FSIP2: variants seen among roughly 807,000 people sequenced by gnomAD.
FSIP2 encodes the protein fibrous sheath-interacting protein 2.
FSIP2 carries 367 observed loss-of-function variants against 510.5 expected under a neutral mutation model. That is an observed-to-expected ratio of 0.72 (90% CI 0.66 to 0.78). The LOEUF is 0.78. FSIP2 is among the 30% of genes least tolerant of loss of function. The pLI is 0.00. For synonymous variants in FSIP2, 2,601 were observed against 2,732.2 expected (o/e 0.95, Z 1.50); for missense variants, 7,594 against 7,901.7 (o/e 0.96, Z 1.48).
In FSIP2 at chr2:185,800,647, G is replaced by A; in HGVS notation, c.11341G>A (p.Glu3781Lys). ...TAFPDKGSVS[E>K]ETSAEECQLL... is the part of the protein sequence containing the mutation. ...TTTTCCTGATAAAGGGTCTGTTTCAGAGGAAACATCAGCAGAAGAATGTCA... is the reference window on the plus strand; with the variant it reads ...TTTTCCTGATAAAGGGTCTGTTTCAAAGGAAACATCAGCAGAAGAATGTCA... The change falls in exon 17 of 23, where the codon GAG (glutamate) becomes AAG (lysine). Residue 3781 changes from glutamate (E) to lysine (K), a missense_variant. By Grantham distance (56) the Glu-to-Lys change is moderately conservative (BLOSUM62 1). Coordinates refer to ENST00000424728, the MANE Select transcript of FSIP2 (RefSeq NM_173651.4). The A allele has an allele frequency of 1.3e-6, 2 of 1,534,126 alleles. No individual in the cohort carries two copies. Among genetic ancestry groups the A allele is most frequent in the Non-Finnish European group, 1.7e-6 (2 of 1,145,646 alleles).
In FSIP2 at chr2:185,788,988, A is replaced by G; in HGVS notation, c.1852A>G (p.Lys618Glu). 6.5e-7 allele frequency: 1 copy of G among 1,534,420 alleles called. No homozygotes were observed. The highest frequency in any genetic ancestry group is 8.7e-7 in the Non-Finnish European group (1 of 1,145,642). The change falls in exon 16 of 23, where the codon AAA (lysine) becomes GAA (glutamate). Residue 618 changes from lysine (K) to glutamate (E), a missense_variant. Transcript: ENST00000424728. ...KTVVGKTCHIKGQSIISKHKY... is the reference protein window; with the variant it reads ...KTVVGKTCHIEGQSIISKHKY... ...AGTTGTGGGGAAAACATGTCACATA[A>G]AAGGACAATCTATAATCTCTAAACA...
intron 8 of FSIP2, 97 bp downstream of exon 8, chr2:185,753,939 C>A: frequency 1.2e-6 from 1 of 817,724 alleles, no homozygotes; most frequent in Non-Finnish European, 1.7e-6. Flanking sequence ...ACACTTGTTT[C>A]TCCCTTTGTG....
At chr2:185,767,495 A>G (rs1692513451) in intron 13 of FSIP2, among the ~76,000 whole-genome samples, 1 of 152,030 alleles carries the variant, frequency 6.6e-6, no homozygotes, top group Admixed American at 6.6e-5. Context: ...CTCTGTTCCT[A>G]TGAGCTTGAC....
At position 185,746,651 on chromosome 2, in the gene FSIP2, A is replaced by G; in HGVS notation, c.618-18A>G. The G allele has an allele frequency of 6.7e-7, 1 of 1,488,468 alleles. No homozygotes were observed. The highest frequency in any genetic ancestry group is 1.3e-5 in the South Asian group (1 of 75,620). The allele number at this position is 1,488,468 out of a possible 1,614,324, so 92.2% of individuals were successfully genotyped here. On this transcript the variant is annotated intron_variant, in intron 5 of 22. Transcript: ENST00000424728. Reference sequence around the variant, plus strand: ...AAACAGCCAATTCACCTTTAGCAATATTTGCACTCTTACTCAGATATTTGG... The same window carrying G: ...AAACAGCCAATTCACCTTTAGCAATGTTTGCACTCTTACTCAGATATTTGG...
Position 185,753,767 on chromosome 2 carries a change from A to T in FSIP2, c.916A>T (p.Met306Leu), listed in dbSNP as rs9808218. Reference protein sequence around the residue: ...EKKMAYHLQKMQDTGFNGEDI... With the variant: ...EKKMAYHLQKLQDTGFNGEDI... The stretch of plus-strand genomic sequence containing the variant: ...AAAAATGGCTTATCATTTACAAAAA[A>T]TGCAAGATACTGGCTTTAACGGAGA... Residue 306 changes from methionine (M) to leucine (L), a missense_variant, in exon 8 of 23, where the codon ATG becomes TTG. Met to Leu is a conservative substitution (Grantham distance 15). Coordinates refer to ENST00000424728, the MANE Select transcript of FSIP2 (RefSeq NM_173651.4). 1 of 1,423,250 alleles carries T rather than the reference A, an allele frequency of 7.0e-7. No homozygotes were observed. Among genetic ancestry groups the T allele is most frequent in the African/African-American group, 1.4e-5 (1 of 69,676 alleles). The allele number at this position is 1,423,250 out of a possible 1,614,324, so 88.2% of individuals were successfully genotyped here.
At chr2:185,743,547 G>C (rs1396771534) in intron 3 of FSIP2, among the ~76,000 whole-genome samples, 1 of 152,100 alleles carries the variant, frequency 6.6e-6, no homozygotes, top group Non-Finnish European at 1.5e-5. Context: ...AATAATTTGA[G>C]AATACAAAGA....
In FSIP2 at chr2:185,794,804, A is replaced by G. The variant is rs1693229063; in HGVS notation, c.7668A>G (p.Thr2556=). ...VLGKMYLVVV[T]SLYENNKSRT... is the part of the protein sequence containing the mutation. ...GGAAAATGTACTTGGTAGTTGTGAC[A>G]TCATTATATGAAAATAATAAAAGTA... The change falls in exon 16 of 23, where the codon ACA becomes ACG. Residue 2556 remains threonine, a synonymous_variant. Transcript: ENST00000424728. 3 of 1,532,722 alleles carry G rather than the reference A, an allele frequency of 2.0e-6. No homozygotes were observed. The highest frequency in any genetic ancestry group is 2.7e-5 in the African/African-American group (2 of 72,868). 94.9% of individuals were successfully genotyped at this position (1,532,722 alleles called of 1,614,324 possible).
At position 185,799,680 on chromosome 2, in the gene FSIP2, A is replaced by G. The variant is rs752158585; in HGVS notation, c.10391-17A>G. On this transcript the variant is annotated splice_polypyrimidine_tract_variant and intron_variant, in intron 16 of 22. Coordinates refer to ENST00000424728, the MANE Select transcript of FSIP2 (RefSeq NM_173651.4). Reference sequence around the variant, plus strand: ...TTCTTTAATCCATGCTAAAATTACAATGTTTCCTTTTTTAAGTTTTTAGTG... The same window carrying G: ...TTCTTTAATCCATGCTAAAATTACAGTGTTTCCTTTTTTAAGTTTTTAGTG... 15 of 1,165,784 alleles carry G rather than the reference A, an allele frequency of 1.3e-5. No individual in the cohort carries two copies. The highest frequency in any genetic ancestry group is 1.4e-5 in the Non-Finnish European group (12 of 874,626). 72.2% of individuals were successfully genotyped at this position (1,165,784 alleles called of 1,614,324 possible).
At chr2:185,777,275 T>TAA (rs1692745870) in intron 13 of FSIP2, among the ~76,000 whole-genome samples, 1 of 152,154 alleles carries the variant, frequency 6.6e-6, no homozygotes, top group Admixed American at 6.5e-5. Context: ...TAATATTTAC[T>TAA]AATATATTAA....
chr2:185,763,869 A>G (rs1245218448), intron 12 of FSIP2, among the ~76,000 whole-genome samples: 1 of 151,692 alleles, frequency 6.6e-6, no homozygotes, highest in Non-Finnish European at 1.5e-5. Flanking sequence ...TTGAGACACT[A>G]AATTATGTAT....
chr2:185,767,857 G>A (rs377235003), intron 13 of FSIP2, among the ~76,000 whole-genome samples: 45 of 152,148 alleles, frequency 3.0e-4, no homozygotes, highest in South Asian at 2.5e-3. Flanking sequence ...AAAACATAAC[G>A]AAAACATATG....
Position 185,789,582 on chromosome 2 carries a change from A to G in FSIP2, c.2446A>G (p.Met816Val), listed in dbSNP as rs1354986380. ...TTCAATGCCTCATACTTTGGACCCA[A>G]TGTGTGATATTGCAGAGGACATGGT... is the stretch of plus-strand genomic sequence containing the variant. ...KNSMPHTLDP[M>V]CDIAEDMVHA... is the part of the protein sequence containing the mutation. Residue 816 changes from methionine to valine, a missense_variant, in exon 16 of 23, where the codon ATG becomes GTG. By Grantham distance (21) the Met-to-Val change is conservative. Transcript: ENST00000424728. 1.3e-6 allele frequency: 2 copies of G among 1,534,922 alleles called. No homozygotes were observed. The highest frequency in any genetic ancestry group is 8.7e-7 in the Non-Finnish European group (1 of 1,145,920).
At chr2:185,762,686 A>G (rs1253582714) in intron 11 of FSIP2, among the ~76,000 whole-genome samples, 1 of 151,168 alleles carries the variant, frequency 6.6e-6, no homozygotes, top group African/African-American at 2.4e-5. Flanking sequence ...TTTGATCTTC[A>G]CTTTTTTCCA....
At position 185,795,854 on chromosome 2, in the gene FSIP2, C is replaced by T. The variant is rs776416455; in HGVS notation, c.8718C>T (p.Ala2906=). 1.2e-5 allele frequency: 19 copies of T among 1,532,188 alleles called. No individual in the cohort carries two copies. The South Asian group carries it at 1.7e-4, about 14-fold the overall frequency. 94.9% of individuals were successfully genotyped at this position (1,532,188 alleles called of 1,614,324 possible). The change falls in exon 16 of 23, where the codon GCC becomes GCT. Residue 2906 remains alanine (A), a synonymous_variant. Transcript: ENST00000424728. ...ATTTTAAAGGAGCTTCTACTAGAGCCGAGGATACTAAAGCACAAATTAATA... is the reference window on the plus strand; with the variant it reads ...ATTTTAAAGGAGCTTCTACTAGAGCTGAGGATACTAAAGCACAAATTAATA... ...YNHFKGASTR[A]EDTKAQINMF...
intron 13 of FSIP2, among the ~76,000 whole-genome samples, chr2:185,780,378 T>C (rs1398641612): frequency 1.3e-5 from 2 of 151,940 alleles, no homozygotes; most frequent in African/African-American, 2.4e-5. Flanking sequence ...TTTCTTCAAA[T>C]ATGTTCTCTA....
intron 14 of FSIP2, among the ~76,000 whole-genome samples, chr2:185,785,461 G>A (rs1392422808): frequency 6.6e-6 from 1 of 151,946 alleles, no homozygotes; most frequent in Non-Finnish European, 1.5e-5. Flanking sequence ...GTAGAGTGCA[G>A]GCCTAGAAAG....
Position 185,804,189 on chromosome 2 carries a change from T to G in FSIP2, c.14883T>G (p.Leu4961=), listed in dbSNP as rs539920488. The G allele has an allele frequency of 3.0e-5, 46 of 1,513,030 alleles. No homozygotes were observed. The South Asian group carries it at 5.5e-4, about 18-fold the overall frequency. The allele number at this position is 1,513,030 out of a possible 1,614,324, so 93.7% of individuals were successfully genotyped here. A position where few individuals can be genotyped will look rare whatever the true frequency, so the allele number is the denominator to read the frequency against. ...TTTCTGAGCTCTTATGCAAAATTCTTTATGCATTTTCACATAACATGTTGG... is the reference window on the plus strand; with the variant it reads ...TTTCTGAGCTCTTATGCAAAATTCTGTATGCATTTTCACATAACATGTTGG... ...EVISELLCKI[L]YAFSHNMLVT... is the part of the protein sequence containing the mutation. The change falls in exon 17 of 23, where the codon CTT becomes CTG. Residue 4961 remains leucine, a synonymous_variant. Coordinates refer to ENST00000424728, the MANE Select transcript of FSIP2 (RefSeq NM_173651.4).
intron 14 of FSIP2, among the ~76,000 whole-genome samples, chr2:185,783,319 T>C (rs1055984509): frequency 7.9e-5 from 12 of 152,328 alleles, no homozygotes; most frequent in African/African-American, 2.4e-4. Context: ...TTGATGTTTA[T>C]ATCTGTTTTT....
Position 185,805,202 on chromosome 2 carries a change from A to C in FSIP2, c.15896A>C (p.Lys5299Thr). The stretch of plus-strand genomic sequence containing the variant: ...CTCCTCATTATTACTGAAGATTCTA[A>C]GAAAAATGAAATGGCAGAGCTAGAT... ...CSLLIITEDS[K>T]KNEMAELDIM... The change falls in exon 17 of 23, where the codon AAG becomes ACG. Residue 5299 changes from lysine to threonine, a missense_variant. Transcript: ENST00000424728. The C allele has an allele frequency of 1.9e-6, 3 of 1,604,574 alleles. No homozygotes were observed. The highest frequency in any genetic ancestry group is 2.6e-6 in the Non-Finnish European group (3 of 1,176,376).
Sources: allele counts gnomAD v4.1 joint callset (sites outside exome capture counted in the v4.1 genomes callset), GRCh38; gene constraint gnomAD v4.1.1; transcripts MANE v1.5; gene names NCBI Gene and HGNC (gene_info 2026-07-23, HGNC 2026-07-21).